Variants in CHST9 observed in about 807,000 individuals in gnomAD.
CHST9 encodes carbohydrate sulfotransferase 9.
In CHST9, 41 loss-of-function variants were observed where a neutral mutation model predicts 44.4. That is an observed-to-expected ratio of 0.92 (90% confidence interval 0.72 to 1.20). The LOEUF is 1.20. CHST9 is among the 50% of genes most tolerant of loss of function. CHST9 has a pLI of 0.00. For missense variants in CHST9, 504 were observed against 516.5 expected (o/e 0.98, Z 0.23); for synonymous variants, 171 against 178.4 (o/e 0.96, Z 0.33).
At chr18:27,069,714 C>T (rs1168402895) in intron 2 of CHST9, among the ~76,000 whole-genome samples, 1 of 152,114 alleles carries the variant, frequency 6.6e-6, no homozygotes, top group East Asian at 1.9e-4. Context: ...TTCATTGTGA[C>T]TTTTTTGAAT....
intron 4 of CHST9, among the ~76,000 whole-genome samples, chr18:26,956,311 C>CAAA (rs10641983): frequency 2.8e-4 from 32 of 112,370 alleles, no homozygotes; most frequent in African/African-American, 9.6e-4. Flanking sequence ...GACTCTGTCT[C>CAAA]AAAAAAAAAA....
intron 2 of CHST9, among the ~76,000 whole-genome samples, chr18:27,050,373 G>A (rs1210758464): frequency 6.6e-6 from 1 of 152,110 alleles, no homozygotes; most frequent in Non-Finnish European, 1.5e-5. Context: ...CGTGGTTTGG[G>A]ATAAGTGAAG....
At chr18:27,089,726 T>C (rs940918088) in intron 2 of CHST9, among the ~76,000 whole-genome samples, 4 of 152,116 alleles carry the variant, frequency 2.6e-5, no homozygotes, top group Non-Finnish European at 5.9e-5. Flanking sequence ...TCTTCCACAA[T>C]AGTTGAACTA....
chr18:26,935,861 C>T (rs1320263205), intron 5 of CHST9: 1 of 152,140 alleles, frequency 6.6e-6, no homozygotes, highest in Non-Finnish European at 1.5e-5. Flanking sequence ...ATTTCTTCTC[C>T]TTCCCGGAAA....
intron 4 of CHST9, among the ~76,000 whole-genome samples, chr18:26,983,785 GCAATTAGA>G (rs1242939756): frequency 2.0e-5 from 3 of 152,082 alleles, no homozygotes; most frequent in African/African-American, 7.2e-5. Context: ...ACTGCCATAG[GCAATTAGA>G]CAAGGAAGAA....
intron 4 of CHST9, among the ~76,000 whole-genome samples, chr18:26,949,864 G>A (rs745632721): frequency 3.9e-5 from 6 of 152,178 alleles, no homozygotes; most frequent in African/African-American, 9.7e-5. Flanking sequence ...AGCAGCAGGG[G>A]TCGGAGTAAT....
At chr18:26,919,838 ACT>A (rs1435760398) in intron 5 of CHST9, among the ~76,000 whole-genome samples, 1 of 151,788 alleles carries the variant, frequency 6.6e-6, no homozygotes, top group African/African-American at 2.4e-5. Flanking sequence ...GACTCCCAAC[ACT>A]CTGTGTCTCT....
At chr18:26,917,670 A>G (rs1221065063) in intron 5 of CHST9, among the ~76,000 whole-genome samples, 1 of 152,174 alleles carries the variant, frequency 6.6e-6, no homozygotes, top group Non-Finnish European at 1.5e-5. Context: ...TAAGTATGTC[A>G]TCTTCAAGTA....
intron 1 of CHST9, among the ~76,000 whole-genome samples, chr18:27,175,479 C>A (rs1158537233): frequency 6.6e-6 from 1 of 152,002 alleles, no homozygotes; most frequent in Non-Finnish European, 1.5e-5. Context: ...CCCTGCCCTA[C>A]TTTCTAAATA....
Position 27,031,887 on chromosome 18 carries a change from C to CAACA in CHST9, c.161-7731_161-7730insTGTT, listed in dbSNP as rs1334028799. On this transcript the variant is annotated intron_variant, in intron 3 of 5. Transcript: ENST00000618847. ...CAGGCATTGCTCGTTGGGAGGAAGGCAACGGCACAGGCATGAGCAGCATGC... is the reference window on the plus strand; with the variant it reads ...CAGGCATTGCTCGTTGGGAGGAAGGCAACAAACGGCACAGGCATGAGCAGCATGC... Among the ~76,000 whole-genome samples the CAACA allele has an allele frequency of 6.6e-5, 10 of 152,334 alleles. No individual in the cohort carries two copies. The East Asian group carries it at 1.7e-3, about 26-fold the overall frequency.
At chr18:27,071,947 A>G (rs1417449927) in intron 2 of CHST9, among the ~76,000 whole-genome samples, 1 of 152,144 alleles carries the variant, frequency 6.6e-6, no homozygotes, top group African/African-American at 2.4e-5. Context: ...TTTATTACCA[A>G]TTGGCCTTCT....
intron 3 of CHST9, among the ~76,000 whole-genome samples, chr18:27,041,353 C>T (rs1196692585): frequency 1.3e-5 from 2 of 152,156 alleles, no homozygotes; most frequent in Non-Finnish European, 2.9e-5. Context: ...TTATTCTCCA[C>T]TTCCTCTTCT....
intron 1 of CHST9, among the ~76,000 whole-genome samples, chr18:27,162,545 T>G (rs111596226): frequency 6.6e-6 from 1 of 152,208 alleles, no homozygotes; most frequent in South Asian, 2.1e-4. Context: ...CTTAACATTT[T>G]TTCCTTCATT....
intron 2 of CHST9, among the ~76,000 whole-genome samples, chr18:27,105,128 C>T (rs1341215312): frequency 6.6e-6 from 1 of 151,824 alleles, no homozygotes; most frequent in Non-Finnish European, 1.5e-5. Context: ...GCATGTGAGG[C>T]ATTAGTAAAA....
At chr18:27,129,964 G>C (rs1402227847) in intron 2 of CHST9, among the ~76,000 whole-genome samples, 1 of 152,032 alleles carries the variant, frequency 6.6e-6, no homozygotes, top group African/African-American at 2.4e-5. Context: ...AGGATCTTGA[G>C]CCCTCTTGGA....
intron 4 of CHST9, among the ~76,000 whole-genome samples, chr18:26,960,643 C>T (rs1423153646): frequency 6.6e-6 from 1 of 152,194 alleles, no homozygotes; most frequent in African/African-American, 2.4e-5. Flanking sequence ...TGCTCAAGGT[C>T]ATTGCCAAGG....
intron 4 of CHST9, among the ~76,000 whole-genome samples, chr18:26,969,368 C>CTGTGTGTGTGTGTGTGTGTGTGTG (rs1435153900): frequency 1.1e-5 from 1 of 94,020 alleles, no homozygotes; most frequent in African/African-American, 3.8e-5. Context: ...GATTCTCTCT[C>CTGTGTGTGTGTGTGTGTGTGTGTG]TCTCTCTCTG....
intron 4 of CHST9, among the ~76,000 whole-genome samples, chr18:26,953,869 C>T (rs2056285097): frequency 6.6e-6 from 1 of 152,170 alleles, no homozygotes; most frequent in Admixed American, 6.5e-5. Context: ...CTATCACCTA[C>T]ATTTAGCATG....
intron 1 of CHST9, among the ~76,000 whole-genome samples, chr18:27,144,239 T>C (rs1238141172): frequency 6.6e-6 from 1 of 152,224 alleles, no homozygotes; most frequent in Non-Finnish European, 1.5e-5. Context: ...TTCTATTCCA[T>C]TGCCTCAAAA....
Sources: allele counts gnomAD v4.1 joint callset (sites outside exome capture counted in the v4.1 genomes callset), GRCh38; gene constraint gnomAD v4.1.1; transcripts MANE v1.5; gene names NCBI Gene and HGNC (gene_info 2026-07-23, HGNC 2026-07-21).